The following GRM1 variants were observed in gnomAD, a reference collection of about 807,000 sequenced individuals.
GRM1 encodes glutamate metabotropic receptor 1, also known as metabotropic glutamate receptor 1.
GRM1 carries 33 observed loss-of-function variants against 90.9 expected under a neutral mutation model. That is an observed-to-expected ratio of 0.36 (90% CI 0.28 to 0.49). The LOEUF (loss-of-function observed/expected upper bound fraction) is 0.49. Ranked by LOEUF, GRM1 falls within the 20% of genes least tolerant of loss-of-function variation. The probability of loss-of-function intolerance (pLI) is 0.99; values close to 1 mark genes in which losing one functional copy is unlikely to be tolerated. For missense variants in GRM1, 1,190 were observed against 1,534.3 expected (o/e 0.78, Z 3.75); for synonymous variants, 700 against 613.2 (o/e 1.14, Z -2.09).
At chr6:146,392,183 C>T (rs1289651813) in intron 6 of GRM1, among the ~76,000 whole-genome samples, 1 of 152,144 alleles carries the variant, frequency 6.6e-6, no homozygotes, top group Non-Finnish European at 1.5e-5. Context: ...CACCAATTAG[C>T]TTGATTTGGC....
At chr6:146,350,383 T>G (rs1449795924) in intron 3 of GRM1, among the ~76,000 whole-genome samples, 8 of 152,234 alleles carry the variant, frequency 5.3e-5, no homozygotes, top group Admixed American at 4.6e-4. Flanking sequence ...TTGTAATGAC[T>G]GCAACTTTGG....
intron 1 of GRM1, among the ~76,000 whole-genome samples, chr6:146,147,758 T>C (rs980138948): frequency 2.6e-5 from 4 of 152,168 alleles, no homozygotes; most frequent in Non-Finnish European, 4.4e-5. Context: ...CTAGCCCTTG[T>C]AGGGAATTTA....
chr6:146,197,368 G>T lies in GRM1; in HGVS notation c.950+37771G>T, dbSNP rs185686273. On this transcript the variant is annotated intron_variant, in intron 2 of 7. Coordinates refer to ENST00000282753, the MANE Select transcript of GRM1 (RefSeq NM_001278064.2). ...TTCTCAGAGTCTTTAAAATGCTAAAGAGCAATGTGGTGCTCCAAGAAGGAT... is the reference window on the plus strand; with the variant it reads ...TTCTCAGAGTCTTTAAAATGCTAAATAGCAATGTGGTGCTCCAAGAAGGAT... Among the ~76,000 whole-genome samples the T allele has an allele frequency of 5.3e-5, 8 of 152,308 alleles. No individual in the cohort carries two copies. In the East Asian group the frequency reaches 1.4e-3, roughly 26 times the overall value.
intron 7 of GRM1, among the ~76,000 whole-genome samples, chr6:146,400,179 T>A (rs985086481): frequency 6.6e-6 from 1 of 152,160 alleles, no homozygotes; most frequent in Non-Finnish European, 1.5e-5. Flanking sequence ...GGAGGAAAAC[T>A]TAGCACCTGG....
At chr6:146,379,927 T>A (rs1024199767) in intron 5 of GRM1, among the ~76,000 whole-genome samples, 1 of 117,336 alleles carries the variant, frequency 8.5e-6, no homozygotes, top group Non-Finnish European at 1.8e-5. Flanking sequence ...ACATACAGAG[T>A]CTGTCTCTCT....
At chr6:146,282,846 T>G (rs766216426) in intron 2 of GRM1, among the ~76,000 whole-genome samples, 17 of 152,200 alleles carry the variant, frequency 1.1e-4, no homozygotes, top group Non-Finnish European at 2.1e-4. Flanking sequence ...ACCAGCAGCA[T>G]ATTCTGTTCT....
At chr6:146,129,771 G>C (rs145753131) in intron 1 of GRM1, among the ~76,000 whole-genome samples, 1 of 152,168 alleles carries the variant, frequency 6.6e-6, no homozygotes, top group Non-Finnish European at 1.5e-5. Context: ...GCAACAGAAA[G>C]GGCCCAATTT....
intron 1 of GRM1, among the ~76,000 whole-genome samples, chr6:146,114,842 C>T (rs1236639007): frequency 1.3e-5 from 2 of 151,986 alleles, no homozygotes; most frequent in African/African-American, 4.8e-5. Context: ...TTGCTATCCC[C>T]ATTTTAAGGA....
rs916675980 is a variant in GRM1, at chr6:146,188,885, C to T, written c.950+29288C>T. Reference sequence around the variant, plus strand: ...AGTTACACATTTCTCTTTTCCCTGGCTTTCTGCCCTCACGTTTTTTATCAG... The same window carrying T: ...AGTTACACATTTCTCTTTTCCCTGGTTTTCTGCCCTCACGTTTTTTATCAG... On this transcript the variant is annotated intron_variant, in intron 2 of 7. Coordinates refer to ENST00000282753, the MANE Select transcript of GRM1 (RefSeq NM_001278064.2). Among the ~76,000 whole-genome samples the T allele has an allele frequency of 7.2e-5, 11 of 152,304 alleles. No homozygotes were observed. In the South Asian group the frequency reaches 2.3e-3, roughly 32 times the overall value.
chr6:146,111,480 A>C (rs1034225100), intron 1 of GRM1, among the ~76,000 whole-genome samples: 3 of 152,264 alleles, frequency 2.0e-5, no homozygotes, highest in East Asian at 3.8e-4. Context: ...AATGATTTTA[A>C]AAATAAAAAC....
intron 2 of GRM1, among the ~76,000 whole-genome samples, chr6:146,289,100 T>C (rs1562584495): frequency 6.6e-6 from 1 of 152,148 alleles, no homozygotes; most frequent in African/African-American, 2.4e-5. Flanking sequence ...TGGAGTATCC[T>C]CCTTCTACAT....
chr6:146,059,375 G>A (rs1775587965), intron 1 of GRM1, among the ~76,000 whole-genome samples: 2 of 152,104 alleles, frequency 1.3e-5, no homozygotes, highest in African/African-American at 2.4e-5. Context: ...TCTCTTTTCT[G>A]AGCAGTAGAT....
intron 2 of GRM1, among the ~76,000 whole-genome samples, chr6:146,241,523 A>T (rs1184868401): frequency 6.6e-6 from 1 of 152,068 alleles, no homozygotes. Context: ...GTCTCCATAC[A>T]CTCAGCACTT....
intron 3 of GRM1, among the ~76,000 whole-genome samples, chr6:146,327,061 G>T (rs544060457): frequency 2.2e-4 from 33 of 152,222 alleles, no homozygotes; most frequent in African/African-American, 7.9e-4. Flanking sequence ...TGTAACATTA[G>T]TATGTTAGAT....
chr6:146,040,596 G>A (rs551812024), intron 1 of GRM1, among the ~76,000 whole-genome samples: 2 of 152,026 alleles, frequency 1.3e-5, no homozygotes, highest in Admixed American at 1.3e-4. Flanking sequence ...CTCCCTCCTG[G>A]CCTGTGGTTT....
intron 7 of GRM1, among the ~76,000 whole-genome samples, chr6:146,428,842 C>G (rs1462094623): frequency 6.6e-6 from 1 of 152,126 alleles, no homozygotes; most frequent in Admixed American, 6.6e-5. Context: ...CATCAGAATT[C>G]TATTCTTTAA....
intron 3 of GRM1, among the ~76,000 whole-genome samples, chr6:146,309,745 C>T (rs1783712646): frequency 6.6e-6 from 1 of 151,824 alleles, no homozygotes; most frequent in Admixed American, 6.6e-5. Flanking sequence ...AGATTTTTCA[C>T]AGTTGTTGTT....
chr6:146,244,397 TTCAGCCAGTCCC>T (rs1227998919), intron 2 of GRM1, among the ~76,000 whole-genome samples: 1 of 152,218 alleles, frequency 6.6e-6, no homozygotes, highest in Non-Finnish European at 1.5e-5. Flanking sequence ...CTGCCATGGC[TTCAGCCAGTCCC>T]TCCATTTGGG....
chr6:146,176,272 T>G (rs924252301), intron 2 of GRM1, among the ~76,000 whole-genome samples: 9 of 151,984 alleles, frequency 5.9e-5, no homozygotes, highest in African/African-American at 2.2e-4. Flanking sequence ...CAAGCAGAGG[T>G]TTTGAAACAC....
Sources: allele counts gnomAD v4.1 joint callset (sites outside exome capture counted in the v4.1 genomes callset), GRCh38; gene constraint gnomAD v4.1.1; transcripts MANE v1.5; gene names NCBI Gene and HGNC (gene_info 2026-07-23, HGNC 2026-07-21).